GALNT13: variants seen among roughly 807,000 people sequenced by gnomAD.
GALNT13 encodes polypeptide N-acetylgalactosaminyltransferase 13.
A neutral mutation model predicts 64.2 loss-of-function variants in GALNT13; 28 were observed. The observed-to-expected ratio is 0.44, with a 90% confidence interval of 0.32 to 0.60. The LOEUF is 0.60. Among genes scored for constraint, GALNT13 ranks in the 20% least tolerant of loss-of-function variants. The pLI is 0.05. For missense variants in GALNT13, 577 were observed against 669.8 expected (o/e 0.86, Z 1.53); for synonymous variants, 214 against 224.6 (o/e 0.95, Z 0.42).
the GALNT13 span, among the ~76,000 whole-genome samples, chr2:153,345,686 T>TCTTTCTTTCTTG: frequency 1.4e-5 from 2 of 145,636 alleles, no homozygotes; most frequent in African/African-American, 5.1e-5. Context: ...TTTCTTTCTT[T>TCTTTCTTTCTTG]CTTTCTTTCT....
rs768232208 is a variant in GALNT13, at chr2:154,140,422, G to T, written c.228G>T (p.Glu76Asp). ...AAGATGACCAGGAGAAAATGAAAGA[G>T]CTGTTTAAAATCAATCAGTTTAACC... ...IPKDDQEKMKELFKINQFNLM... is the reference protein window; with the variant it reads ...IPKDDQEKMKDLFKINQFNLM... Residue 76 changes from glutamate (E) to aspartate (D), a missense_variant, in exon 4 of 13, where the codon GAG becomes GAT. By Grantham distance (45) the Glu-to-Asp change is conservative. Around this residue, in one of 3 missense-constraint regions of GALNT13, gnomAD observed 341 missense variants for 379.3 expected, o/e 0.90. Coordinates refer to ENST00000392825, the MANE Select transcript of GALNT13 (RefSeq NM_052917.4). 3.9e-5 allele frequency: 63 copies of T among 1,612,312 alleles called. No individual in the cohort carries two copies. The Middle Eastern group carries it at 4.9e-4, about 13-fold the overall frequency.
the GALNT13 span, among the ~76,000 whole-genome samples, chr2:153,671,736 A>C: frequency 1.2e-4 from 19 of 152,332 alleles, no homozygotes; most frequent in Non-Finnish European, 1.5e-5. Context: ...TAAATGCTCC[A>C]ATTAAAAGAC....
intron 6 of GALNT13, among the ~76,000 whole-genome samples, chr2:154,244,100 GT>G (rs113977244): frequency 2.3e-4 from 34 of 149,230 alleles, no homozygotes; most frequent in East Asian, 1.8e-3. Flanking sequence ...ACATTATGTT[GT>G]TTTTTTTTTC....
intron 3 of GALNT13, among the ~76,000 whole-genome samples, chr2:153,986,959 T>C (rs754394459): frequency 2.0e-5 from 3 of 151,900 alleles, no homozygotes; most frequent in Non-Finnish European, 2.9e-5. Context: ...TTTTTCCTTC[T>C]GGATGTTGTT....
intron 3 of GALNT13, among the ~76,000 whole-genome samples, chr2:154,021,764 A>T (rs1697518355): frequency 6.6e-6 from 1 of 151,614 alleles, no homozygotes; most frequent in African/African-American, 2.4e-5. Context: ...GAGAGAGGGC[A>T]TCCCTGTCTT....
At chr2:153,421,874 C>T in the GALNT13 span, 1 of 176,666 alleles carries the variant, frequency 5.7e-6, no homozygotes. Flanking sequence ...GTGCTGGATG[C>T]TTTGTTCCAG....
the GALNT13 span, among the ~76,000 whole-genome samples, chr2:153,114,463 C>T: frequency 5.3e-5 from 8 of 152,114 alleles, no homozygotes; most frequent in Non-Finnish European, 1.2e-4. Context: ...AAACTATTGA[C>T]TAAAATAATT....
chr2:153,783,763 C>T, the GALNT13 span, among the ~76,000 whole-genome samples: 1 of 152,126 alleles, frequency 6.6e-6, no homozygotes, highest in Non-Finnish European at 1.5e-5. Context: ...GGGCTTTTCC[C>T]TTCATTCAGC....
chr2:153,560,365 T>G, the GALNT13 span, among the ~76,000 whole-genome samples: 2 of 152,096 alleles, frequency 1.3e-5, no homozygotes, highest in Non-Finnish European at 2.9e-5. Flanking sequence ...TGTACCTGAT[T>G]ACTTAACGCT....
At chr2:153,107,562 T>C in the GALNT13 span, among the ~76,000 whole-genome samples, 1 of 152,040 alleles carries the variant, frequency 6.6e-6, no homozygotes, top group Non-Finnish European at 1.5e-5. Flanking sequence ...TAAAGGAAAA[T>C]ACATCTGAAC....
At chr2:153,267,087 G>A in the GALNT13 span, among the ~76,000 whole-genome samples, 2 of 152,362 alleles carry the variant, frequency 1.3e-5, no homozygotes, top group African/African-American at 4.8e-5. Flanking sequence ...CAGTGGGGCA[G>A]TCATTAAATA....
chr2:153,452,075 T>C, the GALNT13 span, among the ~76,000 whole-genome samples: 1 of 152,186 alleles, frequency 6.6e-6, no homozygotes, highest in African/African-American at 2.4e-5. Context: ...ATTGGTTTGG[T>C]TTTGGTTAAC....
chr2:154,198,412 A>C (rs1040412154), intron 4 of GALNT13, among the ~76,000 whole-genome samples: 8 of 152,106 alleles, frequency 5.3e-5, no homozygotes, highest in Non-Finnish European at 8.8e-5. Flanking sequence ...AAGTATATAC[A>C]ACATAAAATT....
the GALNT13 span, among the ~76,000 whole-genome samples, chr2:153,135,037 G>T: frequency 2.0e-5 from 3 of 152,094 alleles, no homozygotes; most frequent in African/African-American, 7.2e-5. Flanking sequence ...AGACTGTGTG[G>T]CTTAAGCAAC....
chr2:154,216,005 T>C (rs1019226639), intron 4 of GALNT13, among the ~76,000 whole-genome samples: 9 of 151,858 alleles, frequency 5.9e-5, no homozygotes, highest in Non-Finnish European at 1.0e-4. Flanking sequence ...TTTAGAAATA[T>C]AAAACAAATT....
At chr2:153,892,203 C>T (rs1687597825) in intron 1 of GALNT13, among the ~76,000 whole-genome samples, 1 of 151,962 alleles carries the variant, frequency 6.6e-6, no homozygotes, top group Non-Finnish European at 1.5e-5. Context: ...CCTCTGAGAC[C>T]TACCAAAGTC....
At chr2:153,791,231 C>T in the GALNT13 span, among the ~76,000 whole-genome samples, 24 of 152,056 alleles carry the variant, frequency 1.6e-4, 1 homozygote, top group Admixed American at 3.3e-4. Flanking sequence ...AGCCTCTTCT[C>T]GAAAGAAGAC....
At chr2:154,325,904 C>T (rs1479005089) in intron 9 of GALNT13, among the ~76,000 whole-genome samples, 3 of 152,080 alleles carry the variant, frequency 2.0e-5, no homozygotes, top group Non-Finnish European at 4.4e-5. Context: ...AAAATGAGCA[C>T]CACTTGGGAA....
the GALNT13 span, among the ~76,000 whole-genome samples, chr2:153,102,157 T>C: frequency 6.6e-6 from 1 of 152,168 alleles, no homozygotes; most frequent in Non-Finnish European, 1.5e-5. Flanking sequence ...TCTGTGTCTG[T>C]CTGTCTGTGT....
Sources: gnomAD v4.1 joint callset for allele counts (sites outside exome capture counted in the v4.1 genomes callset) on GRCh38, gnomAD v4.1.1 for gene constraint, gnomAD v4.1.1 regional missense constraint, MANE v1.5 for transcripts, NCBI Gene and HGNC (gene_info 2026-07-23, HGNC 2026-07-21) for gene names.